FGD5: variants seen among roughly 807,000 people sequenced by gnomAD.
FGD5 encodes the protein FYVE, RhoGEF and PH domain containing 5.
A neutral mutation model predicts 133.4 loss-of-function variants in FGD5; 28 were observed. That is an observed-to-expected ratio of 0.21 (90% CI 0.16 to 0.29). The LOEUF (loss-of-function observed/expected upper bound fraction) is 0.29, where lower values mean the gene tolerates loss of function less well. Among genes scored for constraint, FGD5 ranks in the 10% least tolerant of loss-of-function variants. The pLI, the probability that FGD5 is intolerant of heterozygous loss-of-function variation, is 1.00. For synonymous variants in FGD5, 810 were observed against 776.5 expected (o/e 1.04, Z -0.72); for missense variants, 1,858 against 1,895.2 (o/e 0.98, Z 0.36).
chr3:14,843,168 T>C (rs2036957458), intron 1 of FGD5, among the ~76,000 whole-genome samples: 2 of 152,226 alleles, frequency 1.3e-5, no homozygotes, highest in Admixed American at 6.5e-5. Flanking sequence ...TTTTCTTTTT[T>C]AGGCTGTGGC....
At chr3:14,844,946 A>G (rs894216873) in intron 1 of FGD5, among the ~76,000 whole-genome samples, 4 of 152,074 alleles carry the variant, frequency 2.6e-5, no homozygotes, top group Admixed American at 6.6e-5. Context: ...GTGTCCCGTT[A>G]CCTTCTAAGG....
chr3:14,931,736 A>G (rs1238602239), intron 18 of FGD5: 5 of 152,232 alleles, frequency 3.3e-5, no homozygotes, highest in African/African-American at 1.2e-4. Context: ...GCAACTTTAT[A>G]GCACAGACAG....
intron 1 of FGD5, among the ~76,000 whole-genome samples, chr3:14,845,408 C>T (rs1227127568): frequency 6.6e-6 from 1 of 152,212 alleles, no homozygotes; most frequent in Non-Finnish European, 1.5e-5. Context: ...CCAGATGCTT[C>T]AGTTCTCAAT....
intron 2 of FGD5, among the ~76,000 whole-genome samples, chr3:14,865,999 A>G (rs543111250): frequency 6.6e-6 from 1 of 152,280 alleles, no homozygotes; most frequent in South Asian, 2.1e-4. Flanking sequence ...TTTGGTCCCC[A>G]CCCTGAAACC....
chr3:14,868,830 A>G (rs1023993680), intron 2 of FGD5, among the ~76,000 whole-genome samples: 4 of 152,182 alleles, frequency 2.6e-5, no homozygotes, highest in African/African-American at 9.7e-5. Flanking sequence ...TGCCTGGCTC[A>G]TTGTCAGGGA....
At chr3:14,918,662 A>C in intron 12 of FGD5, 92 bp from the exon 13 acceptor site, 1 of 1,281,518 alleles carries the variant, frequency 7.8e-7, no homozygotes, top group Non-Finnish European at 1.1e-6. Flanking sequence ...GTAGGTGGAC[A>C]TGGTCCCTCT....
chr3:14,900,276 G>A (rs1177988278), intron 7 of FGD5, 127 bp from the exon 8 acceptor site: 1 of 883,052 alleles, frequency 1.1e-6, no homozygotes. Context: ...TTGTGATGGG[G>A]CCAGCAGGGG....
chr3:14,875,984 G>C (rs937732746), intron 2 of FGD5, among the ~76,000 whole-genome samples: 1 of 152,158 alleles, frequency 6.6e-6, no homozygotes, highest in African/African-American at 2.4e-5. Flanking sequence ...ACCAGTGAAA[G>C]AAAGAGGTGG....
At chr3:14,853,325 C>T (rs980057220) in intron 1 of FGD5, among the ~76,000 whole-genome samples, 1 of 152,212 alleles carries the variant, frequency 6.6e-6, no homozygotes, top group Admixed American at 6.5e-5. Context: ...GTTTAGAAAT[C>T]CCTATCCCGT....
At chr3:14,905,091 C>G (rs1413761543) in intron 9 of FGD5, among the ~76,000 whole-genome samples, 1 of 152,144 alleles carries the variant, frequency 6.6e-6, no homozygotes, top group African/African-American at 2.4e-5. Flanking sequence ...AGTGAGAAGC[C>G]TCGTTCCTAC....
chr3:14,854,634 T>G (rs1255175831), intron 1 of FGD5, among the ~76,000 whole-genome samples: 1 of 151,970 alleles, frequency 6.6e-6, no homozygotes, highest in East Asian at 1.9e-4. Context: ...CCAGGGCTGA[T>G]CTCAAAGACT....
At chr3:14,900,584 A>G in intron 8 of FGD5, 131 bp downstream of exon 8, 3 of 1,019,758 alleles carry the variant, frequency 2.9e-6, no homozygotes, top group South Asian at 1.4e-5. Flanking sequence ...GGTTCTGCAT[A>G]TGACACATCT....
At position 14,918,746 on chromosome 3, in the gene FGD5, T is replaced by G; in HGVS notation, c.3490-8T>G. The G allele has an allele frequency of 6.2e-7, 1 of 1,613,744 alleles. No homozygotes were observed. Among genetic ancestry groups the G allele is most frequent in the Non-Finnish European group, 8.5e-7 (1 of 1,179,806 alleles). ...CCACCCTGAAGGAGGCTGCTGTTGG[T>G]TTTCCAGGTCAGCCGCCCTGTGATG... On this transcript the variant is annotated splice_region_variant and splice_polypyrimidine_tract_variant and intron_variant, in intron 12 of 19. Transcript: ENST00000285046.
intron 1 of FGD5, among the ~76,000 whole-genome samples, chr3:14,842,208 G>A (rs1478488518): frequency 2.0e-5 from 3 of 152,346 alleles, no homozygotes; most frequent in East Asian, 1.9e-4. Flanking sequence ...CCACAGCCAC[G>A]TCCCTTGCTC....
chr3:14,866,976 C>T (rs1254214776), intron 2 of FGD5, among the ~76,000 whole-genome samples: 1 of 152,198 alleles, frequency 6.6e-6, no homozygotes, highest in Non-Finnish European at 1.5e-5. Context: ...TCAGTTCACT[C>T]ACCAGAGTCC....
At chr3:14,811,448 C>A (rs1181718974) in intron 1 of FGD5, 1 of 152,148 alleles carries the variant, frequency 6.6e-6, no homozygotes, top group African/African-American at 2.4e-5. Context: ...CTAAATTAAT[C>A]CCCCTATAGC....
chr3:14,847,699 A>T (rs2037076345), intron 1 of FGD5, among the ~76,000 whole-genome samples: 1 of 152,232 alleles, frequency 6.6e-6, no homozygotes, highest in Non-Finnish European at 1.5e-5. Context: ...ATAAGTGGCA[A>T]AGAACCAAGT....
At chr3:14,889,782 C>G (rs2037990550) in intron 4 of FGD5, among the ~76,000 whole-genome samples, 1 of 152,094 alleles carries the variant, frequency 6.6e-6, no homozygotes. Flanking sequence ...ATTTGCATTT[C>G]CCTGATGATT....
At position 14,922,007 on chromosome 3, in the gene FGD5, A is replaced by G. The variant is rs750857246; in HGVS notation, c.3659A>G (p.His1220Arg). ...YKAQALAAFH[H>R]SVEIRERLGV... Reference sequence around the variant, plus strand: ...GCCCAGGCGCTGGCTGCATTCCACCATAGCGTGGAGGTGAGTGGGTGGGCA... The same window carrying G: ...GCCCAGGCGCTGGCTGCATTCCACCGTAGCGTGGAGGTGAGTGGGTGGGCA... Residue 1220 changes from histidine to arginine, a missense_variant, in exon 14 of 20, where the codon CAT becomes CGT. Transcript: ENST00000285046. The surrounding 1 kb of genome is among the most constrained non-coding windows in gnomAD (Gnocchi z 4.1). 5.8e-6 allele frequency: 9 copies of G among 1,560,122 alleles called. No homozygotes were observed. Among genetic ancestry groups the G allele is most frequent in the East Asian group, 4.8e-5 (2 of 41,474 alleles).
Sources: allele counts gnomAD v4.1 joint callset (sites outside exome capture counted in the v4.1 genomes callset), GRCh38; gene constraint gnomAD v4.1.1; non-coding constraint Gnocchi (gnomAD v3.1); transcripts MANE v1.5; gene names NCBI Gene and HGNC (gene_info 2026-07-23, HGNC 2026-07-21).